Variants in RARS2 observed in about 807,000 individuals in gnomAD.
RARS2 encodes arginyl-tRNA synthetase 2, mitochondrial.
A neutral mutation model predicts 88.5 loss-of-function variants in RARS2; 67 were observed. The ratio of observed to expected loss-of-function variants is 0.76; its 90% CI spans 0.62 to 0.93. The LOEUF is 0.93. Ranked by LOEUF, RARS2 falls within the 40% of genes least tolerant of loss-of-function variation. The pLI is 0.00. For synonymous variants in RARS2, 239 were observed against 230.3 expected (o/e 1.04, Z -0.34); for missense variants, 664 against 684.2 (o/e 0.97, Z 0.33).
chr6:87,548,465 G>A (rs1164606700), intron 6 of RARS2, 126 bp downstream of exon 6: 9 of 862,988 alleles, frequency 1.0e-5, no homozygotes, highest in Non-Finnish European at 1.6e-5. Context: ...ATTGGCAGGA[G>A]GCTCATATAA....
Position 87,541,929 on chromosome 6 carries a change from G to C in RARS2, c.601C>G (p.His201Asp), listed in dbSNP as rs1310599081. The C allele has an allele frequency of 1.9e-6, 3 of 1,612,562 alleles. No individual in the cohort carries two copies. The highest frequency in any genetic ancestry group is 2.5e-6 in the Non-Finnish European group (3 of 1,178,720). ...EEKLQSNPLQ[H>D]LFEVYVQVNK... ...TCTTGCCAACTTACTTCAAAGAGAT[G>C]CTGTAGAGGATTGGACTGCAGTTTT... Residue 201 changes from histidine to aspartate, a missense_variant, in exon 8 of 20, where the codon CAT becomes GAT. His to Asp is a moderately conservative substitution (Grantham distance 81). Coordinates refer to ENST00000369536, the MANE Select transcript of RARS2 (RefSeq NM_020320.5).
At chr6:87,522,278 G>A (rs1045632686) in intron 11 of RARS2, among the ~76,000 whole-genome samples, 6 of 140,264 alleles carry the variant, frequency 4.3e-5, no homozygotes, top group South Asian at 2.3e-4. Flanking sequence ...TACAGTGAGC[G>A]AAGATCGCAC....
chr6:87,529,724 G>A, intron 9 of RARS2, 76 bp from the exon 10 acceptor site: 1 of 965,696 alleles, frequency 1.0e-6, no homozygotes, highest in Non-Finnish European at 1.7e-6. Context: ...CAAAATTAAG[G>A]ATGCTCTACC....
At chr6:87,532,593 T>C (rs1026055606) in intron 8 of RARS2, among the ~76,000 whole-genome samples, 11 of 152,162 alleles carry the variant, frequency 7.2e-5, no homozygotes, top group East Asian at 1.9e-4. Flanking sequence ...CTGGGAAAAT[T>C]TGGGAGTCTG....
rs28381458 is a variant in RARS2 at position 87,589,919 on chromosome 6, T to A, written c.36+3A>T. 6.2e-7 allele frequency: 1 copy of A among 1,614,158 alleles called. No individual in the cohort carries two copies. The highest frequency in any genetic ancestry group is 1.1e-5 in the South Asian group (1 of 91,076). On this transcript the variant is annotated splice_donor_region_variant and intron_variant, in intron 1 of 19. Coordinates refer to ENST00000369536, the MANE Select transcript of RARS2 (RefSeq NM_020320.5). The stretch of plus-strand genomic sequence containing the variant: ...ACTCCTCTGCGCGCTCCGGGATCCA[T>A]ACCTGGCAAGCAATAGCGCGGCGAA...
chr6:87,569,581 C>T lies in RARS2; in HGVS notation c.46G>A (p.Val16Met). The change falls in exon 2 of 20, where the codon GTG becomes ATG. Residue 16 changes from valine (V) to methionine (M), a missense_variant. By Grantham distance (21) the Val-to-Met change is conservative. Coordinates refer to ENST00000369536, the MANE Select transcript of RARS2 (RefSeq NM_020320.5). ...AAGTTTTCTGGTGGAAGATTCAACACTCTGGAAAGCTAAAAATCAAAAAGA... is the reference window on the plus strand; with the variant it reads ...AAGTTTTCTGGTGGAAGATTCAACATTCTGGAAAGCTAAAAATCAAAAAGA... The part of the protein sequence containing the change: ...RRAIACQLSR[V>M]LNLPPENLIT... 1.2e-6 allele frequency: 2 copies of T among 1,605,810 alleles called. No individual in the cohort carries two copies. The highest frequency in any genetic ancestry group is 1.1e-5 in the South Asian group (1 of 90,860).
intron 8 of RARS2, among the ~76,000 whole-genome samples, chr6:87,539,062 A>G (rs942510438): frequency 7.9e-5 from 12 of 151,772 alleles, no homozygotes; most frequent in South Asian, 2.1e-4. Flanking sequence ...ATAAATGAAT[A>G]AATAAATAAA....
chr6:87,548,518 A>T (rs1384059382), intron 6 of RARS2, 73 bp downstream of exon 6: 1 of 1,439,230 alleles, frequency 6.9e-7, no homozygotes, highest in Non-Finnish European at 9.6e-7. Context: ...TTTAAGCATT[A>T]AAACATTAAA....
intron 19 of RARS2, 66 bp downstream of exon 19, chr6:87,514,891 A>G (rs1038317239): frequency 1.5e-6 from 2 of 1,346,864 alleles, no homozygotes; most frequent in Middle Eastern, 1.8e-4. Context: ...AAAATTTACA[A>G]GACTGACTTA....
intron 11 of RARS2, among the ~76,000 whole-genome samples, chr6:87,522,333 T>TAAAA (rs34710568): frequency 2.1e-4 from 19 of 88,726 alleles, no homozygotes; most frequent in South Asian, 8.6e-4. Context: ...CCGTCTCAAT[T>TAAAA]AAAAAAAAAA....
rs1456460193 is a variant in RARS2, at chr6:87,514,208, G to T, written c.*205C>A. Among the ~76,000 whole-genome samples the T allele has an allele frequency of 6.6e-6, 1 of 151,938 alleles. No homozygotes were observed. The highest frequency in any genetic ancestry group is 6.6e-5 in the Admixed American group (1 of 15,248). On this transcript the variant is annotated 3_prime_UTR_variant, in exon 20 of 20. Coordinates refer to ENST00000369536, the MANE Select transcript of RARS2 (RefSeq NM_020320.5). ...TGCCTGTAATCCCAGCTACTCAGGA[G>T]GCTGAGGCAGGAGAATTGCTTGAAC...
rs7743667 is a variant in RARS2 at position 87,531,559 on chromosome 6, T to C, written c.613-617A>G. Among the ~76,000 whole-genome samples, 1,407 of 152,328 alleles carry C rather than the reference T, an allele frequency of 9.2e-3. 24 individuals are homozygous for C. The highest frequency in any genetic ancestry group is 0.031 in the African/African-American group (1,308 of 41,566). Reference sequence around the variant, plus strand: ...GGTAAAAAGGACTGCTTTTGGATAGTTAGTATAATTATACTCTAAACTTAA... The same window carrying C: ...GGTAAAAAGGACTGCTTTTGGATAGCTAGTATAATTATACTCTAAACTTAA... On this transcript the variant is annotated intron_variant, in intron 8 of 19. Transcript: ENST00000369536.
At chr6:87,568,749 T>C (rs1188315910) in intron 2 of RARS2, among the ~76,000 whole-genome samples, 2 of 152,190 alleles carry the variant, frequency 1.3e-5, no homozygotes, top group African/African-American at 4.8e-5. Context: ...CTTTGTTCTA[T>C]TCTGAGAAGA....
intron 6 of RARS2, among the ~76,000 whole-genome samples, chr6:87,546,954 A>G (rs1782783478): frequency 6.6e-6 from 1 of 152,140 alleles, no homozygotes; most frequent in Non-Finnish European, 1.5e-5. Flanking sequence ...AATCCAATTA[A>G]ATGTCTGAAC....
chr6:87,551,798 G>C (rs971560164), intron 5 of RARS2, among the ~76,000 whole-genome samples: 2 of 152,214 alleles, frequency 1.3e-5, no homozygotes, highest in African/African-American at 4.8e-5. Flanking sequence ...TTTGCGAGAA[G>C]AGTGTCTCAC....
chr6:87,564,100 T>C, intron 3 of RARS2, 30 bp downstream of exon 3: 3 of 1,502,420 alleles, frequency 2.0e-6, no homozygotes, highest in East Asian at 2.3e-5. Flanking sequence ...TTTATTACAA[T>C]GTCAAAAAGA....
intron 1 of RARS2, among the ~76,000 whole-genome samples, chr6:87,580,162 T>C (rs911231045): frequency 6.6e-6 from 1 of 152,174 alleles, no homozygotes; most frequent in African/African-American, 2.4e-5. Flanking sequence ...ATGTGACCAA[T>C]GGGTTTGCTT....
Position 87,529,544 on chromosome 6 carries a change from T to A in RARS2, c.876A>T (p.Thr292=), listed in dbSNP as rs759139003. ...GAAGAATAGTAACCTGATCATACAT[T>A]GTTTTCAGTAGGAGTCCTTTACTCT... ...LLESKGLLLK[T]IKGTAVVDLS... The change falls in exon 10 of 20, where the codon ACA becomes ACT. Residue 292 remains threonine (T), a splice_region_variant and synonymous_variant. Transcript: ENST00000369536. 1 of 1,537,506 alleles carries A rather than the reference T, an allele frequency of 6.5e-7. No individual in the cohort carries two copies. Among genetic ancestry groups the A allele is most frequent in the Non-Finnish European group, 9.0e-7 (1 of 1,110,508 alleles).
At chr6:87,572,842 G>T (rs1411946637) in intron 1 of RARS2, among the ~76,000 whole-genome samples, 6 of 152,014 alleles carry the variant, frequency 3.9e-5, no homozygotes, top group Non-Finnish European at 8.8e-5. Flanking sequence ...TAAGCTCAAG[G>T]TACTTAACGC....
Sources: allele counts gnomAD v4.1 joint callset (sites outside exome capture counted in the v4.1 genomes callset), GRCh38; gene constraint gnomAD v4.1.1; transcripts MANE v1.5; gene names NCBI Gene and HGNC (gene_info 2026-07-23, HGNC 2026-07-21).